The following KIAA1217 variants were observed in gnomAD, a reference collection of about 807,000 sequenced individuals.
The protein encoded by KIAA1217 is sickle tail protein homolog.
KIAA1217 carries 88 observed loss-of-function variants against 163.9 expected under a neutral mutation model. That is an observed-to-expected ratio of 0.54 (90% CI 0.45 to 0.64). The LOEUF (loss-of-function observed/expected upper bound fraction) is 0.64. Among genes scored for constraint, KIAA1217 ranks in the 30% least tolerant of loss-of-function variants. The pLI is 0.00. For synonymous variants in KIAA1217, 903 were observed against 923.1 expected, an observed-to-expected ratio of 0.98 and a Z score of 0.39; for missense variants, 2,372 against 2,475.0, an observed-to-expected ratio of 0.96 and a Z score of 0.88.
At chr10:24,382,324 A>G (rs2053424560) in intron 3 of KIAA1217, among the ~76,000 whole-genome samples, 1 of 152,050 alleles carries the variant, frequency 6.6e-6, no homozygotes. Flanking sequence ...TTGCTGGGAG[A>G]AGAAAGAAAA....
intron 2 of KIAA1217, among the ~76,000 whole-genome samples, chr10:24,256,639 C>G (rs933104): frequency 0.72 from 110,225 of 152,156 alleles, 40,129 homozygotes; most frequent in Admixed American, 0.79. Context: ...TTTTCAAAAG[C>G]CTTAGTTTTA....
intron 2 of KIAA1217, among the ~76,000 whole-genome samples, chr10:24,039,940 C>T (rs1029913683): frequency 6.6e-6 from 1 of 152,138 alleles, no homozygotes. Context: ...TTGATTTTTC[C>T]CCTTTCCCTT....
intron 1 of KIAA1217, among the ~76,000 whole-genome samples, chr10:23,961,316 C>A (rs1226521283): frequency 6.6e-6 from 1 of 152,016 alleles, no homozygotes; most frequent in Non-Finnish European, 1.5e-5. Flanking sequence ...CCTTATTATC[C>A]AAAAATAATA....
At chr10:23,715,129 T>G (rs1227599312) in intron 1 of KIAA1217, among the ~76,000 whole-genome samples, 1 of 152,204 alleles carries the variant, frequency 6.6e-6, no homozygotes, top group Non-Finnish European at 1.5e-5. Flanking sequence ...GGGGTTAATC[T>G]GAAGTCAAAA....
At chr10:24,276,651 C>T (rs1054266826) in intron 2 of KIAA1217, among the ~76,000 whole-genome samples, 2 of 150,474 alleles carry the variant, frequency 1.3e-5, no homozygotes, top group Non-Finnish European at 2.9e-5. Flanking sequence ...ACTTTGTCAC[C>T]GAGGCCGTAG....
intron 2 of KIAA1217, among the ~76,000 whole-genome samples, chr10:24,114,613 C>G (rs1050629746): frequency 4.6e-5 from 7 of 152,226 alleles, no homozygotes; most frequent in Non-Finnish European, 7.3e-5. Flanking sequence ...TGATTTCCCT[C>G]AAGTGAACAG....
At chr10:23,824,657 AAATAT>A (rs1837804329) in intron 1 of KIAA1217, among the ~76,000 whole-genome samples, 2 of 103,226 alleles carry the variant, frequency 1.9e-5, no homozygotes, top group African/African-American at 9.2e-5. Context: ...AAAATAAAAA[AAATAT>A]ATATATATAT....
chr10:24,542,788 G>C lies in KIAA1217; in HGVS notation c.3612+18G>C. 1 of 1,613,176 alleles carries C rather than the reference G, an allele frequency of 6.2e-7. No individual in the cohort carries two copies. Among genetic ancestry groups the C allele is most frequent in the South Asian group, 1.1e-5 (1 of 91,052 alleles). On this transcript the variant is annotated intron_variant, in intron 18 of 20. Coordinates refer to ENST00000376454, the MANE Select transcript of KIAA1217 (RefSeq NM_019590.5). ...TCCAAAAGGTGAGTTCACCAGATCT[G>C]GGTTCCGACCAATACCATGCACATT...
chr10:23,964,867 C>A (rs1373225266), intron 1 of KIAA1217, among the ~76,000 whole-genome samples: 1 of 152,158 alleles, frequency 6.6e-6, no homozygotes, highest in Non-Finnish European at 1.5e-5. Context: ...CAGTTGAATT[C>A]TTAATCCAGT....
chr10:24,029,278 A>G (rs1848095465), intron 2 of KIAA1217, among the ~76,000 whole-genome samples: 1 of 152,178 alleles, frequency 6.6e-6, no homozygotes, highest in South Asian at 2.1e-4. Context: ...ACCTTTCTTT[A>G]CAATGGACAC....
At chr10:24,161,539 T>A (rs905330668) in intron 2 of KIAA1217, among the ~76,000 whole-genome samples, 1 of 152,222 alleles carries the variant, frequency 6.6e-6, no homozygotes, top group Non-Finnish European at 1.5e-5. Context: ...CAATGGATCA[T>A]GGATTTTGTT....
intron 2 of KIAA1217, among the ~76,000 whole-genome samples, chr10:24,118,067 C>T (rs2063128327): frequency 6.6e-6 from 1 of 150,912 alleles, no homozygotes; most frequent in Admixed American, 6.6e-5. Flanking sequence ...CCCGGGGTGA[C>T]CAAATCATCT....
intron 1 of KIAA1217, among the ~76,000 whole-genome samples, chr10:23,823,293 C>G (rs1837715294): frequency 6.6e-6 from 1 of 152,204 alleles, no homozygotes; most frequent in Non-Finnish European, 1.5e-5. Context: ...CTCAGGACAG[C>G]TGGGGACCAC....
In KIAA1217 at chr10:24,531,883, C is replaced by A. The variant is rs750460394; in HGVS notation, c.3136C>A (p.Pro1046Thr). 1.4e-5 allele frequency: 22 copies of A among 1,608,022 alleles called. No individual in the cohort carries two copies. The highest frequency in any genetic ancestry group is 2.5e-6 in the Non-Finnish European group (3 of 1,176,498). The change falls in exon 15 of 21, where the codon CCT becomes ACT. Residue 1046 changes from proline (P) to threonine (T), a missense_variant. By Grantham distance (38) the Pro-to-Thr change is conservative (BLOSUM62 -1). Around this residue, in one of 3 missense-constraint regions of KIAA1217, gnomAD observed 1,431 missense variants for 1,470.3 expected, o/e 0.97. Coordinates refer to ENST00000376454, the MANE Select transcript of KIAA1217 (RefSeq NM_019590.5). ...DLEKLGGKSP[P>T]PPPPPPRRSY... ...GGAAAAGCTGGGGGGAAAGTCGCCC[C>A]CTCCTCCTCCGCCACCTCCTCGTCG... is the stretch of plus-strand genomic sequence containing the variant.
intron 2 of KIAA1217, among the ~76,000 whole-genome samples, chr10:24,123,134 T>TTGTG (rs35526705): frequency 0.12 from 18,056 of 147,968 alleles, 1,200 homozygotes; most frequent in African/African-American, 0.16. Flanking sequence ...TACTGTGTGT[T>TTGTG]TGTGTGTGTG....
intron 1 of KIAA1217, among the ~76,000 whole-genome samples, chr10:23,837,467 C>T (rs117513338): frequency 6.6e-5 from 10 of 152,314 alleles, no homozygotes; most frequent in Non-Finnish European, 1.3e-4. Flanking sequence ...ACCCCAAGGA[C>T]ATTCTTTGGT....
chr10:24,185,652 A>G (rs2066393314), intron 2 of KIAA1217, among the ~76,000 whole-genome samples: 1 of 152,026 alleles, frequency 6.6e-6, no homozygotes, highest in African/African-American at 2.4e-5. Context: ...AAAATTAGCC[A>G]AGCATGGTGG....
intron 1 of KIAA1217, among the ~76,000 whole-genome samples, chr10:23,866,933 T>G (rs909364383): frequency 1.8e-4 from 28 of 151,880 alleles, no homozygotes; most frequent in Admixed American, 1.6e-3. Context: ...TGTGCCATGC[T>G]GGTGTGCTGC....
intron 2 of KIAA1217, among the ~76,000 whole-genome samples, chr10:24,153,963 T>A (rs1179570719): frequency 2.0e-5 from 3 of 151,326 alleles, no homozygotes; most frequent in African/African-American, 7.3e-5. Context: ...AAAATATTTT[T>A]TTTTTTTTTT....
Sources: gnomAD v4.1 joint callset for allele counts (sites outside exome capture counted in the v4.1 genomes callset) on GRCh38, gnomAD v4.1.1 for gene constraint, gnomAD v4.1.1 regional missense constraint, MANE v1.5 for transcripts, NCBI Gene and HGNC (gene_info 2026-07-23, HGNC 2026-07-21) for gene names.